The following ZNF609 variants were observed in gnomAD, a reference collection of about 807,000 sequenced individuals.
ZNF609 encodes zinc finger protein 609.
Under a neutral mutation model 109.5 loss-of-function variants are expected in ZNF609, and 11 were observed. The ratio of observed to expected loss-of-function variants is 0.10; its 90% CI spans 0.06 to 0.17. ZNF609 has a LOEUF of 0.17. ZNF609 is among the 10% of genes least tolerant of loss of function. The pLI, the probability that ZNF609 is intolerant of heterozygous loss-of-function variation, is 1.00. For missense variants in ZNF609, 1,559 were observed against 1,772.4 expected (o/e 0.88, Z 2.16); for synonymous variants, 646 against 662.0 (o/e 0.98, Z 0.37).
chr15:64,636,553 T>C (rs1409702706), intron 3 of ZNF609, among the ~76,000 whole-genome samples: 1 of 152,358 alleles, frequency 6.6e-6, no homozygotes, highest in East Asian at 1.9e-4. Flanking sequence ...CTTTTGAAAA[T>C]TTTCTAGATC....
intron 3 of ZNF609, among the ~76,000 whole-genome samples, chr15:64,635,922 T>C (rs1312608651): frequency 6.6e-6 from 1 of 152,130 alleles, no homozygotes; most frequent in Non-Finnish European, 1.5e-5. Flanking sequence ...GATACCTCAT[T>C]ATTCCATCTC....
At chr15:64,639,216 A>G (rs1896219401) in intron 3 of ZNF609, among the ~76,000 whole-genome samples, 1 of 152,206 alleles carries the variant, frequency 6.6e-6, no homozygotes, top group South Asian at 2.1e-4. Context: ...AGAACCACTG[A>G]CTTAGACTGC....
intron 2 of ZNF609, among the ~76,000 whole-genome samples, chr15:64,544,963 G>T (rs979947107): frequency 5.3e-5 from 8 of 152,174 alleles, no homozygotes; most frequent in African/African-American, 1.9e-4. Flanking sequence ...GAAAGCAATG[G>T]TTTCCCTATT....
chr15:64,527,738 G>C (rs1032810987), intron 2 of ZNF609, among the ~76,000 whole-genome samples: 2 of 152,112 alleles, frequency 1.3e-5, no homozygotes, highest in African/African-American at 2.4e-5. Flanking sequence ...CTAGAAACTT[G>C]TGAGTCATCT....
chr15:64,555,527 G>A (rs1410942374), intron 2 of ZNF609, among the ~76,000 whole-genome samples: 2 of 151,908 alleles, frequency 1.3e-5, no homozygotes, highest in Non-Finnish European at 2.9e-5. Context: ...AGCCGGGCAT[G>A]GTGTTGCACA....
chr15:64,480,193 C>T (rs191859703), intron 1 of ZNF609, among the ~76,000 whole-genome samples: 115 of 150,642 alleles, frequency 7.6e-4, no homozygotes, highest in African/African-American at 2.6e-3. Flanking sequence ...GAGCCGATAT[C>T]GTGCCACTGC....
At chr15:64,543,140 C>A (rs948388700) in intron 2 of ZNF609, among the ~76,000 whole-genome samples, 2 of 151,878 alleles carry the variant, frequency 1.3e-5, no homozygotes, top group Non-Finnish European at 2.9e-5. Flanking sequence ...GCACATGTAT[C>A]CCAGAACTTA....
intron 2 of ZNF609, among the ~76,000 whole-genome samples, chr15:64,560,051 T>C (rs1894651207): frequency 6.6e-6 from 1 of 152,204 alleles, no homozygotes; most frequent in African/African-American, 2.4e-5. Flanking sequence ...CTCTTGTCTC[T>C]CTGGGTTTTT....
At chr15:64,468,619 T>G (rs1488267646) in intron 1 of ZNF609, among the ~76,000 whole-genome samples, 1 of 151,936 alleles carries the variant, frequency 6.6e-6, no homozygotes. Flanking sequence ...TCCAGTCTGG[T>G]TGCCCAGGCT....
At chr15:64,528,812 C>T in intron 2 of ZNF609, 1 of 825,280 alleles carries the variant, frequency 1.2e-6, no homozygotes, top group African/African-American at 1.7e-5. Flanking sequence ...GTGGGTGTTG[C>T]TGTTGAAGTC....
In ZNF609 at chr15:64,681,328, T is replaced by TGTTGCCAGCCAAC. The variant is rs1341160171; in HGVS notation, c.4183_4195dup (p.Gln1399ArgfsTer63). 6.2e-7 allele frequency: 1 copy of TGTTGCCAGCCAAC among 1,614,140 alleles called. No individual in the cohort carries two copies. The highest frequency in any genetic ancestry group is 1.7e-5 in the Admixed American group (1 of 60,028). ...ATTCAGGGCTTTCTTCTACAGCCAT[T>TGTTGCCAGCCAAC]GTTGCCAGCCAACAAGGCTCAACTC... On this transcript the variant is annotated frameshift_variant, in exon 9 of 10. Transcript: ENST00000326648. LOFTEE classifies it high-confidence loss of function.
intron 2 of ZNF609, among the ~76,000 whole-genome samples, chr15:64,588,289 C>T (rs1194972425): frequency 6.7e-6 from 1 of 149,092 alleles, no homozygotes; most frequent in Non-Finnish European, 1.5e-5. Context: ...ATTAGCCGGG[C>T]GTGGTGGCGG....
At chr15:64,656,929 A>C (rs953833053) in intron 3 of ZNF609, among the ~76,000 whole-genome samples, 1 of 152,162 alleles carries the variant, frequency 6.6e-6, no homozygotes. Context: ...TTCTGTTTTG[A>C]ATCTTCAGTA....
At chr15:64,538,115 AAAAG>A (rs1039211261) in intron 2 of ZNF609, among the ~76,000 whole-genome samples, 7 of 152,204 alleles carry the variant, frequency 4.6e-5, no homozygotes, top group South Asian at 2.1e-4. Context: ...TCAAAAAAAA[AAAAG>A]AAAGAAAGAA....
intron 2 of ZNF609, among the ~76,000 whole-genome samples, chr15:64,573,559 G>T (rs1268990924): frequency 6.6e-6 from 1 of 151,248 alleles, no homozygotes; most frequent in African/African-American, 2.4e-5. Flanking sequence ...GTAGAGATGG[G>T]GTTTCACCTT....
intron 2 of ZNF609, among the ~76,000 whole-genome samples, chr15:64,584,400 T>C (rs1162128273): frequency 6.6e-6 from 1 of 152,146 alleles, no homozygotes; most frequent in Non-Finnish European, 1.5e-5. Context: ...TGGCGTGATC[T>C]CTACTCACTG....
chr15:64,560,952 A>C (rs971426299), intron 2 of ZNF609, among the ~76,000 whole-genome samples: 15 of 152,192 alleles, frequency 9.9e-5, no homozygotes, highest in South Asian at 2.1e-4. Flanking sequence ...AAAATCCTCA[A>C]ATGACTTGCC....
intron 2 of ZNF609, among the ~76,000 whole-genome samples, chr15:64,595,391 C>T (rs1419858895): frequency 6.6e-6 from 1 of 150,794 alleles, no homozygotes; most frequent in African/African-American, 2.4e-5. Context: ...CGAAGTGCTA[C>T]AGCCACCTTG....
chr15:64,603,727 G>C (rs926128597), intron 2 of ZNF609, among the ~76,000 whole-genome samples: 1 of 151,960 alleles, frequency 6.6e-6, no homozygotes, highest in East Asian at 1.9e-4. Flanking sequence ...GAGGCGGAGC[G>C]TGGTGGCTCA....
Sources: gnomAD v4.1 joint callset for allele counts (sites outside exome capture counted in the v4.1 genomes callset) on GRCh38, gnomAD v4.1.1 for gene constraint, MANE v1.5 for transcripts, NCBI Gene and HGNC (gene_info 2026-07-23, HGNC 2026-07-21) for gene names.